Variants in ANK3 observed in about 807,000 individuals in gnomAD.
ANK3 encodes the protein ankyrin 3.
Under a neutral mutation model 370.9 loss-of-function variants are expected in ANK3, and 57 were observed. That is an observed-to-expected ratio of 0.15 (90% CI 0.12 to 0.19). ANK3 has a LOEUF of 0.19. Among genes scored for constraint, ANK3 ranks in the 10% least tolerant of loss-of-function variants. The pLI is 1.00. For synonymous variants in ANK3, 1,929 were observed against 1,946.3 expected, an observed-to-expected ratio of 0.99 and a Z score of 0.23; for missense variants, 4,439 against 5,302.1, an observed-to-expected ratio of 0.84 and a Z score of 5.06.
chr10:60,109,504 G>T (rs2092516789), intron 26 of ANK3, among the ~76,000 whole-genome samples: 1 of 152,016 alleles, frequency 6.6e-6, no homozygotes, highest in Non-Finnish European at 1.5e-5. Flanking sequence ...TGATATTTAC[G>T]ACTCATAAAA....
chr10:60,252,160 C>A (rs2097677313), intron 7 of ANK3, among the ~76,000 whole-genome samples: 1 of 152,204 alleles, frequency 6.6e-6, no homozygotes. Flanking sequence ...GTTCTATGAA[C>A]CCTAACCTCT....
At chr10:60,120,660 G>T (rs1032942671) in intron 25 of ANK3, among the ~76,000 whole-genome samples, 1 of 151,952 alleles carries the variant, frequency 6.6e-6, no homozygotes, top group African/African-American at 2.4e-5. Context: ...ATAGGCAAAA[G>T]AACTGAATAG....
intron 2 of ANK3, among the ~76,000 whole-genome samples, chr10:60,490,366 T>C (rs1282018102): frequency 1.3e-5 from 2 of 152,188 alleles, no homozygotes; most frequent in Admixed American, 1.3e-4. Flanking sequence ...TTCTGATGCA[T>C]GAAAAAGTTT....
intron 2 of ANK3, among the ~76,000 whole-genome samples, chr10:60,404,268 G>A (rs1015730083): frequency 6.6e-6 from 1 of 151,812 alleles, no homozygotes; most frequent in Admixed American, 6.6e-5. Flanking sequence ...TGAATATAAA[G>A]AACTTTGAAT....
chr10:60,166,448 A>G lies in ANK3; in HGVS notation c.2614+143T>C, dbSNP rs533369910. ...GGAGAGCTAGTAGTACCAGATATAC[A>G]TTATTTAAATAATACACAAATTAAT... On this transcript the variant is annotated intron_variant, in intron 23 of 43. Coordinates refer to ENST00000280772, the MANE Select transcript of ANK3 (RefSeq NM_020987.5). 2.3e-5 allele frequency: 15 copies of G among 665,780 alleles called. No individual in the cohort carries two copies. The East Asian group carries it at 4.1e-4, about 18-fold the overall frequency. The allele number at this position is 665,780 out of a possible 1,614,324, so 41.2% of individuals were successfully genotyped here. A position where few individuals can be genotyped will look rare whatever the true frequency, so the allele number is the denominator to read the frequency against.
Position 60,071,533 on chromosome 10 carries a change from T to G in ANK3, c.9348A>C (p.Lys3116Asn), listed in dbSNP as rs778103752. ...EKEIQQGGVK[K>N]IISQECKTVQ... The stretch of plus-strand genomic sequence containing the variant: ...CTGTCTTACATTCCTGACTTATGAT[T>G]TTTTTTACACCTCCTTGTTGTATCT... Residue 3116 changes from lysine (K) to asparagine (N), a missense_variant, in exon 37 of 44, where the codon AAA becomes AAC. Coordinates refer to ENST00000280772, the MANE Select transcript of ANK3 (RefSeq NM_020987.5). 6.2e-7 allele frequency: 1 copy of G among 1,613,840 alleles called. No individual in the cohort carries two copies. The highest frequency in any genetic ancestry group is 1.1e-5 in the South Asian group (1 of 91,080).
At chr10:60,141,561 G>GT (rs36033791) in intron 23 of ANK3, among the ~76,000 whole-genome samples, 585 of 48,980 alleles carry the variant, frequency 0.012, 43 homozygotes, top group African/African-American at 0.051. Context: ...TTCAATTGCT[G>GT]TTTTTTTTTT....
At chr10:60,178,881 T>G (rs563080799) in intron 18 of ANK3, among the ~76,000 whole-genome samples, 2 of 152,008 alleles carry the variant, frequency 1.3e-5, no homozygotes, top group Admixed American at 1.3e-4. Context: ...GTGGCACAAT[T>G]TAGCTTAAAC....
At chr10:60,653,381 C>A (rs1470237) in intron 1 of ANK3, among the ~76,000 whole-genome samples, 103,359 of 151,894 alleles carry the variant, frequency 0.68, 35,274 homozygotes, top group South Asian at 0.83. Flanking sequence ...ACAGATTTCC[C>A]GTTGTTCCAG....
chr10:60,533,513 G>A (rs1414059326), intron 2 of ANK3, among the ~76,000 whole-genome samples: 1 of 152,078 alleles, frequency 6.6e-6, no homozygotes, highest in African/African-American at 2.4e-5. Context: ...TGAAGCTAGT[G>A]GACATTACAG....
intron 1 of ANK3, among the ~76,000 whole-genome samples, chr10:60,704,641 G>C (rs1053007018): frequency 6.6e-6 from 1 of 152,108 alleles, no homozygotes; most frequent in Non-Finnish European, 1.5e-5. Context: ...CTACAAAGAG[G>C]AAGTACAAAG....
rs1400888965 is a variant in ANK3, at chr10:60,469,177, AT to A, written c.96+146008del. ...AGTATATATGTGTGTGTGTATATAT[AT>A]ATATACACCACTTTTAGTGTATATA... On this transcript the variant is annotated intron_variant, in intron 2 of 43. Coordinates refer to the ANK3 transcript ENST00000373827. Among the ~76,000 whole-genome samples, 3 of 116,180 alleles carry A rather than the reference AT, an allele frequency of 2.6e-5. 1 individual carries two copies. Among genetic ancestry groups the A allele is most frequent in the Non-Finnish European group, 5.3e-5 (3 of 56,862 alleles). The allele number at this position is 116,180 out of a possible 152,430, so 76.2% of individuals were successfully genotyped here.
At chr10:60,233,727 G>T (rs1449370262) in intron 8 of ANK3, among the ~76,000 whole-genome samples, 1 of 152,076 alleles carries the variant, frequency 6.6e-6, no homozygotes, top group African/African-American at 2.4e-5. Context: ...GTAAGCCAGT[G>T]GGCCCAGCCT....
intron 43 of ANK3, among the ~76,000 whole-genome samples, chr10:60,033,514 C>CAAAAAA (rs537623584): frequency 4.0e-5 from 2 of 50,622 alleles, no homozygotes; most frequent in Non-Finnish European, 7.8e-5. Context: ...GACTCAGTCT[C>CAAAAAA]AAAAAAAAAA....
At chr10:60,713,617 G>A (rs910459359) in intron 1 of ANK3, among the ~76,000 whole-genome samples, 4 of 152,110 alleles carry the variant, frequency 2.6e-5, no homozygotes, top group African/African-American at 9.7e-5. Flanking sequence ...CAGGCTGGGT[G>A]CAGTGCTCAT....
intron 2 of ANK3, among the ~76,000 whole-genome samples, chr10:60,566,941 T>A (rs1367046051): frequency 6.6e-6 from 1 of 152,188 alleles, no homozygotes; most frequent in East Asian, 1.9e-4. Context: ...ACTCTGCAAT[T>A]CTGTGAAGAC....
rs76082367 is a variant in ANK3, at chr10:60,257,268, A to C, written c.798+4591T>G. On this transcript the variant is annotated intron_variant, in intron 7 of 43. Coordinates refer to ENST00000280772, the MANE Select transcript of ANK3 (RefSeq NM_020987.5). ...CCAATATCGATCAAAACCTTGTATA[A>C]AATACCCAATATTTGAAAAAGGCAG... Among the ~76,000 whole-genome samples the C allele has an allele frequency of 3.9e-5, 6 of 152,326 alleles. No individual in the cohort carries two copies. In the East Asian group the frequency reaches 1.2e-3, roughly 29 times the overall value.
chr10:60,262,335 A>G (rs956930707), intron 6 of ANK3, among the ~76,000 whole-genome samples: 1 of 152,214 alleles, frequency 6.6e-6, no homozygotes, highest in Non-Finnish European at 1.5e-5. Context: ...TCAAAATTCA[A>G]TTAGTTTATA....
chr10:60,415,822 G>C (rs2063650040), intron 2 of ANK3, among the ~76,000 whole-genome samples: 1 of 150,134 alleles, frequency 6.7e-6, no homozygotes. Flanking sequence ...ATTGAATAAA[G>C]TTCCTGTTCA....
Sources: gnomAD v4.1 joint callset for allele counts (sites outside exome capture counted in the v4.1 genomes callset) on GRCh38, gnomAD v4.1.1 for gene constraint, MANE v1.5 for transcripts, NCBI Gene and HGNC (gene_info 2026-07-23, HGNC 2026-07-21) for gene names.